The following ZMIZ1 variants were observed in gnomAD, a reference collection of about 807,000 sequenced individuals.
ZMIZ1 encodes the protein zinc finger MIZ-type containing 1, also known as zinc finger MIZ domain-containing protein 1.
In ZMIZ1, 17 loss-of-function variants were observed where a neutral mutation model predicts 113.9. The observed-to-expected ratio is 0.15, with a 90% CI of 0.10 to 0.22. The LOEUF (loss-of-function observed/expected upper bound fraction) is 0.22. ZMIZ1 is among the 10% of genes least tolerant of loss of function. ZMIZ1 has a pLI of 1.00. For synonymous variants in ZMIZ1, 607 were observed against 603.1 expected, an observed-to-expected ratio of 1.01 and a Z score of -0.09; for missense variants, 1,059 against 1,477.8, an observed-to-expected ratio of 0.72 and a Z score of 4.65.
intron 2 of ZMIZ1, among the ~76,000 whole-genome samples, chr10:79,136,755 G>A (rs1196114979): frequency 6.6e-6 from 1 of 152,230 alleles, no homozygotes; most frequent in Non-Finnish European, 1.5e-5. Flanking sequence ...AAAGTGCTTA[G>A]AACAGTACAG....
At chr10:79,073,578 G>C (rs936848113) in intron 1 of ZMIZ1, among the ~76,000 whole-genome samples, 1 of 152,212 alleles carries the variant, frequency 6.6e-6, no homozygotes, top group Non-Finnish European at 1.5e-5. Flanking sequence ...GGGCCCTCCA[G>C]ACCATAGACT....
chr10:79,293,254 C>G, intron 11 of ZMIZ1, 127 bp from the exon 12 acceptor site: 1 of 1,352,930 alleles, frequency 7.4e-7, no homozygotes, highest in Non-Finnish European at 1.0e-6. Flanking sequence ...CAGTCACTGC[C>G]GCACAGGACA....
At chr10:79,193,882 T>C (rs1847716810) in intron 4 of ZMIZ1, among the ~76,000 whole-genome samples, 1 of 152,078 alleles carries the variant, frequency 6.6e-6, no homozygotes, top group African/African-American at 2.4e-5. Flanking sequence ...CTGAGAGTAG[T>C]GAGGGCTAGG....
In ZMIZ1 at chr10:79,164,415, A is replaced by T. The variant is rs534387831; in HGVS notation, c.-50+2282A>T. 2.7e-5 allele frequency among the ~76,000 whole-genome samples: 4 copies of T among 146,806 alleles called. No individual in the cohort carries two copies. The East Asian group carries it at 8.1e-4, about 30-fold the overall frequency. ...TGATATTCTGTTAATTGAGTGAGTG[A>T]GTGAGTGAGTGAGTGAGTGAGTGAT... On this transcript the variant is annotated intron_variant, in intron 4 of 24. Transcript: ENST00000334512.
chr10:79,210,276 CAG>C (rs1394729762), intron 6 of ZMIZ1, among the ~76,000 whole-genome samples: 1 of 152,200 alleles, frequency 6.6e-6, no homozygotes, highest in Non-Finnish European at 1.5e-5. Context: ...GAGACTGAAT[CAG>C]AGAGTGGCCC....
At chr10:79,141,269 A>G (rs748459153) in intron 3 of ZMIZ1, among the ~76,000 whole-genome samples, 2 of 152,242 alleles carry the variant, frequency 1.3e-5, no homozygotes, top group Admixed American at 6.5e-5. Flanking sequence ...GAGATATAGC[A>G]GGGAATAAAG....
In ZMIZ1 at chr10:79,243,465, G is replaced by A. The variant is rs187255596; in HGVS notation, c.280+27191G>A. 6.8e-3 allele frequency among the ~76,000 whole-genome samples: 1,007 copies of A among 148,822 alleles called. 26 individuals are homozygous for A. The highest frequency in any genetic ancestry group is 0.043 in the East Asian group (221 of 5,128). On this transcript the variant is annotated intron_variant, in intron 7 of 24. Coordinates refer to ENST00000334512, the MANE Select transcript of ZMIZ1 (RefSeq NM_020338.4). Reference sequence around the variant, plus strand: ...TGCGGTGCGGTAGCCGGACGGCGGCGGCGGTGGCGGGCAGCAGCGAGCGGG... The same window carrying A: ...TGCGGTGCGGTAGCCGGACGGCGGCAGCGGTGGCGGGCAGCAGCGAGCGGG...
intron 1 of ZMIZ1, among the ~76,000 whole-genome samples, chr10:79,109,282 A>C (rs1843657467): frequency 6.6e-6 from 1 of 152,194 alleles, no homozygotes; most frequent in African/African-American, 2.4e-5. Context: ...CTGTGTGCAC[A>C]CATGTGTGGG....
chr10:79,258,957 G>A (rs1851088795), intron 7 of ZMIZ1, among the ~76,000 whole-genome samples: 1 of 152,154 alleles, frequency 6.6e-6, no homozygotes, highest in African/African-American at 2.4e-5. Flanking sequence ...GTGATGGATG[G>A]CCCCTCTCCC....
chr10:79,258,816 C>T (rs901874901), intron 7 of ZMIZ1, among the ~76,000 whole-genome samples: 1 of 152,152 alleles, frequency 6.6e-6, no homozygotes, highest in African/African-American at 2.4e-5. Context: ...AGGGCAGGCA[C>T]TTTGGGGTGA....
chr10:79,180,507 T>TG (rs1274668327), intron 4 of ZMIZ1, among the ~76,000 whole-genome samples: 1 of 152,182 alleles, frequency 6.6e-6, no homozygotes, highest in Non-Finnish European at 1.5e-5. Context: ...CCCCAGGGCT[T>TG]GCATCTGAGG....
chr10:79,131,915 C>A (rs924873666), intron 2 of ZMIZ1, among the ~76,000 whole-genome samples: 16 of 152,166 alleles, frequency 1.1e-4, no homozygotes. Context: ...AGAGCGCGTT[C>A]CTGAGAGTGA....
chr10:79,170,320 C>A (rs961715338), intron 4 of ZMIZ1, among the ~76,000 whole-genome samples: 1 of 152,184 alleles, frequency 6.6e-6, no homozygotes, highest in African/African-American at 2.4e-5. Flanking sequence ...GCCCTTAAAA[C>A]CTCATGACAA....
At chr10:79,255,019 CG>C (rs1397616647) in intron 7 of ZMIZ1, among the ~76,000 whole-genome samples, 1 of 152,216 alleles carries the variant, frequency 6.6e-6, no homozygotes, top group Non-Finnish European at 1.5e-5. Flanking sequence ...GCCTCCAGCC[CG>C]GGCTGGCTGG....
At chr10:79,173,331 G>T (rs1020671007) in intron 4 of ZMIZ1, among the ~76,000 whole-genome samples, 4 of 152,180 alleles carry the variant, frequency 2.6e-5, no homozygotes, top group African/African-American at 4.8e-5. Context: ...TGTTGTGAGT[G>T]TATTTTATGT....
chr10:79,305,014 A>G, intron 19 of ZMIZ1, 150 bp from the exon 20 acceptor site: 3 of 831,154 alleles, frequency 3.6e-6, no homozygotes, highest in Non-Finnish European at 6.0e-6. Context: ...GAAAGGTAGC[A>G]TTGCTTTCAT....
At chr10:79,153,803 C>T (rs1009245610) in intron 3 of ZMIZ1, among the ~76,000 whole-genome samples, 1 of 152,240 alleles carries the variant, frequency 6.6e-6, no homozygotes, top group Non-Finnish European at 1.5e-5. Flanking sequence ...TGTGCCCAGA[C>T]CCGCCACCAC....
rs138275286 is a variant in ZMIZ1 at position 79,265,599 on chromosome 10, G to A, written c.281-11582G>A. ...AGTTCAGCTTGCTACTGATGGTGCT[G>A]AGGCAGCAATACCATCAGTCTGCCG... On this transcript the variant is annotated intron_variant, in intron 7 of 24. Coordinates refer to ENST00000334512, the MANE Select transcript of ZMIZ1 (RefSeq NM_020338.4). 1.3e-3 allele frequency among the ~76,000 whole-genome samples: 197 copies of A among 151,410 alleles called. No homozygotes were observed. In the Middle Eastern group the frequency reaches 0.031, roughly 24 times the overall value.
At chr10:79,102,388 A>T (rs1010568169) in intron 1 of ZMIZ1, among the ~76,000 whole-genome samples, 2 of 152,146 alleles carry the variant, frequency 1.3e-5, no homozygotes, top group African/African-American at 4.8e-5. Flanking sequence ...CACCCGGGAG[A>T]GAAGGCCTCC....
Sources: gnomAD v4.1 joint callset for allele counts (sites outside exome capture counted in the v4.1 genomes callset) on GRCh38, gnomAD v4.1.1 for gene constraint, MANE v1.5 for transcripts, NCBI Gene and HGNC (gene_info 2026-07-23, HGNC 2026-07-21) for gene names.